Variants in WASL observed in about 807,000 individuals in gnomAD.
The protein encoded by WASL is actin nucleation-promoting factor WASL.
A neutral mutation model predicts 55.5 loss-of-function variants in WASL; 20 were observed. That is an observed-to-expected ratio of 0.36 (90% CI 0.25 to 0.52). The LOEUF (loss-of-function observed/expected upper bound fraction) is 0.52. Among genes scored for constraint, WASL ranks in the 20% least tolerant of loss-of-function variants. The pLI, the probability that WASL is intolerant of heterozygous loss-of-function variation, is 0.92. For synonymous variants in WASL, 249 were observed against 217.6 expected, an observed-to-expected ratio of 1.14 and a Z score of -1.27; for missense variants, 504 against 622.5, an observed-to-expected ratio of 0.81 and a Z score of 2.03.
At chr7:123,687,087 C>T (rs536549213) in intron 10 of WASL, among the ~76,000 whole-genome samples, 3 of 152,266 alleles carry the variant, frequency 2.0e-5, no homozygotes, top group African/African-American at 7.2e-5. Context: ...TTTCCCCTTT[C>T]CAGTTGTTCA....
chr7:123,708,421 T>C (rs1239448386), intron 2 of WASL, among the ~76,000 whole-genome samples: 1 of 152,174 alleles, frequency 6.6e-6, no homozygotes, highest in Non-Finnish European at 1.5e-5. Flanking sequence ...TATTGCCACA[T>C]ATAAATATTA....
At chr7:123,706,425 T>C in intron 3 of WASL, 52 bp from the exon 4 acceptor site, 1 of 1,509,898 alleles carries the variant, frequency 6.6e-7, no homozygotes. Context: ...GAATTTAGCT[T>C]TATATCATAA....
intron 2 of WASL, among the ~76,000 whole-genome samples, chr7:123,708,099 T>C (rs1372563293): frequency 2.6e-5 from 4 of 152,050 alleles, no homozygotes; most frequent in Non-Finnish European, 4.4e-5. Context: ...GGTGGGAAGA[T>C]TGCTTGGGCC....
intron 1 of WASL, among the ~76,000 whole-genome samples, chr7:123,715,629 T>C (rs1341106841): frequency 2.0e-5 from 3 of 152,324 alleles, no homozygotes; most frequent in East Asian, 3.9e-4. Flanking sequence ...CTCACCTTCA[T>C]TATCAGTGCA....
chr7:123,708,635 G>A (rs1437148849), intron 2 of WASL, among the ~76,000 whole-genome samples: 2 of 152,032 alleles, frequency 1.3e-5, no homozygotes, highest in South Asian at 2.1e-4. Context: ...AAGGAAAAAT[G>A]AGTAGCAAAC....
intron 1 of WASL, among the ~76,000 whole-genome samples, chr7:123,729,689 C>T (rs1009549875): frequency 4.1e-4 from 63 of 152,064 alleles, no homozygotes; most frequent in African/African-American, 1.5e-3. Flanking sequence ...ACACATGAAG[C>T]CAATTTCTAA....
intron 1 of WASL, among the ~76,000 whole-genome samples, chr7:123,728,670 T>C (rs1804090965): frequency 2.6e-5 from 4 of 152,078 alleles, no homozygotes; most frequent in South Asian, 2.1e-4. Flanking sequence ...TGAAGCCCCA[T>C]CTCTACTAAA....
chr7:123,731,966 A>T (rs1804144814), intron 1 of WASL, among the ~76,000 whole-genome samples: 1 of 152,214 alleles, frequency 6.6e-6, no homozygotes, highest in African/African-American at 2.4e-5. Flanking sequence ...GAAAGTCAAT[A>T]AAACTGACAA....
In WASL at chr7:123,687,109, T is replaced by G. The variant is rs75795200; in HGVS notation, c.1456+1933A>C. 9.9e-5 allele frequency among the ~76,000 whole-genome samples: 15 copies of G among 152,268 alleles called. 1 individual carries two copies. The South Asian group carries it at 2.7e-3, about 27-fold the overall frequency. Reference sequence around the variant, plus strand: ...TTTCCAGTTGTTCAAGTCAAAAACCTTGGAGTCATTTTGCACTCTTCTTTT... The same window carrying G: ...TTTCCAGTTGTTCAAGTCAAAAACCGTGGAGTCATTTTGCACTCTTCTTTT... On this transcript the variant is annotated intron_variant, in intron 10 of 10. Transcript: ENST00000223023.
intron 5 of WASL, among the ~76,000 whole-genome samples, chr7:123,697,890 G>C (rs934181102): frequency 6.6e-6 from 1 of 152,184 alleles, no homozygotes; most frequent in Non-Finnish European, 1.5e-5. Flanking sequence ...CTTGGTAAGT[G>C]CAAGGCAGGG....
chr7:123,735,906 C>T (rs954021365), intron 1 of WASL, among the ~76,000 whole-genome samples: 2 of 151,924 alleles, frequency 1.3e-5, no homozygotes, highest in Non-Finnish European at 2.9e-5. Flanking sequence ...CTGAAGTTTC[C>T]AAACTTGATG....
chr7:123,735,545 G>T (rs1804213275), intron 1 of WASL, among the ~76,000 whole-genome samples: 1 of 151,960 alleles, frequency 6.6e-6, no homozygotes, highest in Non-Finnish European at 1.5e-5. Flanking sequence ...TATATCTGTA[G>T]TCCATATATT....
intron 4 of WASL, 103 bp downstream of exon 4, chr7:123,706,174 T>G (rs531821140): frequency 2.6e-4 from 279 of 1,079,682 alleles, no homozygotes; most frequent in Non-Finnish European, 3.6e-4. Flanking sequence ...TGAATACAGT[T>G]AAGTTTCAGT....
At chr7:123,692,999 T>C in intron 8 of WASL, 132 bp from the exon 9 acceptor site, 9 of 1,195,944 alleles carry the variant, frequency 7.5e-6, no homozygotes, top group Non-Finnish European at 9.6e-6. Context: ...CATTTTATTT[T>C]ACAAAGATAC....
At chr7:123,692,986 T>G in intron 8 of WASL, 119 bp from the exon 9 acceptor site, 1 of 1,252,944 alleles carries the variant, frequency 8.0e-7, no homozygotes, top group East Asian at 2.8e-5. Flanking sequence ...GGTCTCATCT[T>G]TGCATTTTAT....
chr7:123,727,353 T>TCTCACACACACACACACACA, intron 1 of WASL, among the ~76,000 whole-genome samples: 1 of 147,818 alleles, frequency 6.8e-6, no homozygotes, highest in South Asian at 2.2e-4. Flanking sequence ...AAAATATGTG[T>TCTCACACACACACACACACA]CACACACACA....
At chr7:123,708,161 A>C (rs930963982) in intron 2 of WASL, among the ~76,000 whole-genome samples, 2 of 150,620 alleles carry the variant, frequency 1.3e-5, no homozygotes, top group African/African-American at 4.9e-5. Context: ...GTGACAGAGC[A>C]AGAGCAAGAC....
At chr7:123,712,000 G>C (rs944167060) in intron 1 of WASL, among the ~76,000 whole-genome samples, 10 of 152,138 alleles carry the variant, frequency 6.6e-5, no homozygotes, top group Admixed American at 2.0e-4. Context: ...ATCAAGGGCA[G>C]GAAGAATATG....
At chr7:123,720,570 G>A (rs929544048) in intron 1 of WASL, among the ~76,000 whole-genome samples, 2 of 152,014 alleles carry the variant, frequency 1.3e-5, no homozygotes, top group Admixed American at 6.6e-5. Context: ...GTGTGGACAG[G>A]TATTTTGTTG....
Sources: gnomAD v4.1 joint callset for allele counts (sites outside exome capture counted in the v4.1 genomes callset) on GRCh38, gnomAD v4.1.1 for gene constraint, MANE v1.5 for transcripts, NCBI Gene and HGNC (gene_info 2026-07-23, HGNC 2026-07-21) for gene names.